The following GREB1L variants were observed in gnomAD, a reference collection of about 807,000 sequenced individuals.
GREB1L encodes the protein GREB1 like retinoic acid receptor coactivator, also known as GREB1-like protein.
A neutral mutation model predicts 200.8 loss-of-function variants in GREB1L; 17 were observed. The observed-to-expected ratio is 0.08, with a 90% CI of 0.06 to 0.13. The LOEUF (loss-of-function observed/expected upper bound fraction) is 0.13. Among genes scored for constraint, GREB1L ranks in the 10% least tolerant of loss-of-function variants. The pLI, the probability that GREB1L is intolerant of heterozygous loss-of-function variation, is 1.00. For missense variants in GREB1L, 1,657 were observed against 2,367.7 expected (o/e 0.70, Z 6.23); for synonymous variants, 789 against 893.0 (o/e 0.88, Z 2.08).
chr18:21,247,504 G>A (rs540246798), intron 1 of GREB1L, among the ~76,000 whole-genome samples: 2 of 152,238 alleles, frequency 1.3e-5, no homozygotes, highest in East Asian at 3.9e-4. Flanking sequence ...AGCACCAGTT[G>A]TGTCCTGTAT....
At chr18:21,285,445 C>T (rs1463797371) in intron 1 of GREB1L, among the ~76,000 whole-genome samples, 1 of 152,096 alleles carries the variant, frequency 6.6e-6, no homozygotes, top group Non-Finnish European at 1.5e-5. Context: ...TAGTTGAAAG[C>T]ACATGAATTT....
intron 7 of GREB1L, among the ~76,000 whole-genome samples, chr18:21,417,225 A>G (rs2031723694): frequency 1.3e-5 from 2 of 151,912 alleles, no homozygotes; most frequent in South Asian, 2.1e-4. Context: ...TCTATACCCA[A>G]TAAAAATATC....
chr18:21,487,993 A>G (rs966906796), intron 18 of GREB1L, among the ~76,000 whole-genome samples: 38 of 150,908 alleles, frequency 2.5e-4, no homozygotes, highest in African/African-American at 8.8e-4. Flanking sequence ...TCCGAGCGAC[A>G]GAGTGAGACT....
chr18:21,384,577 T>G (rs1444631127), intron 4 of GREB1L, among the ~76,000 whole-genome samples, 174 bp downstream of exon 4: 1 of 152,204 alleles, frequency 6.6e-6, no homozygotes, highest in African/African-American at 2.4e-5. Context: ...AACAGATGTC[T>G]GTAAGAAAGA....
In GREB1L at chr18:21,515,406, A is replaced by G. The variant is rs765973807; in HGVS notation, c.4902-11A>G. On this transcript the variant is annotated splice_polypyrimidine_tract_variant and intron_variant, in intron 28 of 32. Coordinates refer to ENST00000424526, the MANE Select transcript of GREB1L (RefSeq NM_001142966.3). ...TATTTATCAACATCTTATATAAACT[A>G]TATTTCATAGCCAGCCCATGGAAGT... 2 of 1,519,540 alleles carry G rather than the reference A, an allele frequency of 1.3e-6. No homozygotes were observed. Among genetic ancestry groups the G allele is most frequent in the South Asian group, 1.2e-5 (1 of 83,428 alleles). The allele number at this position is 1,519,540 out of a possible 1,614,324, so 94.1% of individuals were successfully genotyped here.
At chr18:21,264,114 T>C (rs1018393923) in intron 1 of GREB1L, among the ~76,000 whole-genome samples, 5 of 152,188 alleles carry the variant, frequency 3.3e-5, no homozygotes, top group African/African-American at 1.2e-4. Context: ...ATAATTCATT[T>C]GTGTAGATAA....
At chr18:21,250,366 G>A (rs1310268079) in intron 1 of GREB1L, among the ~76,000 whole-genome samples, 3 of 152,122 alleles carry the variant, frequency 2.0e-5, no homozygotes, top group Non-Finnish European at 4.4e-5. Flanking sequence ...TGTTAAATAC[G>A]GATTATTGAT....
intron 7 of GREB1L, among the ~76,000 whole-genome samples, chr18:21,405,492 G>A (rs1453151837): frequency 6.6e-6 from 1 of 152,140 alleles, no homozygotes; most frequent in East Asian, 1.9e-4. Flanking sequence ...CTCGACTGAT[G>A]TCTGCAATGA....
intron 13 of GREB1L, 134 bp from the exon 14 acceptor site, chr18:21,451,949 T>A (rs1362249099): frequency 2.2e-5 from 16 of 717,214 alleles, no homozygotes; most frequent in East Asian, 1.9e-4. Flanking sequence ...GATGGCCAAG[T>A]GTAAATGCTG....
chr18:21,312,105 T>C (rs767391524), intron 1 of GREB1L, among the ~76,000 whole-genome samples: 12 of 152,184 alleles, frequency 7.9e-5, no homozygotes, highest in Non-Finnish European at 1.5e-4. Flanking sequence ...ATTACTCTGC[T>C]AAGGATGATG....
chr18:21,452,341 T>C (rs1203251112), intron 14 of GREB1L, 124 bp downstream of exon 14: 7 of 922,150 alleles, frequency 7.6e-6, no homozygotes, highest in Non-Finnish European at 1.1e-5. Context: ...TTCCTGATTG[T>C]CTACATGATA....
chr18:21,501,191 G>C (rs1033660134), intron 23 of GREB1L, among the ~76,000 whole-genome samples: 2 of 151,330 alleles, frequency 1.3e-5, no homozygotes, highest in African/African-American at 4.9e-5. Flanking sequence ...TCTACTTTTA[G>C]CCTCTTTACA....
At chr18:21,470,221 A>G (rs2035428163) in intron 15 of GREB1L, among the ~76,000 whole-genome samples, 1 of 152,164 alleles carries the variant, frequency 6.6e-6, no homozygotes, top group South Asian at 2.1e-4. Flanking sequence ...CCAGTAGCTC[A>G]AGGCCACAGT....
At chr18:21,389,984 T>C (rs1030264199) in intron 4 of GREB1L, among the ~76,000 whole-genome samples, 1 of 152,194 alleles carries the variant, frequency 6.6e-6, no homozygotes, top group African/African-American at 2.4e-5. Context: ...GGTGAAACAG[T>C]ATACAGTCAT....
chr18:21,309,031 T>G (rs1328320497), intron 1 of GREB1L, among the ~76,000 whole-genome samples: 1 of 152,252 alleles, frequency 6.6e-6, no homozygotes, highest in East Asian at 1.9e-4. Flanking sequence ...AAGGAAGCCC[T>G]TCTGGGCAGA....
At chr18:21,480,362 GA>G (rs1304129643) in intron 17 of GREB1L, among the ~76,000 whole-genome samples, 5 of 151,978 alleles carry the variant, frequency 3.3e-5, no homozygotes, top group African/African-American at 9.7e-5. Flanking sequence ...AAAACAAAAA[GA>G]GGGGAGGGGC....
intron 7 of GREB1L, among the ~76,000 whole-genome samples, chr18:21,431,206 G>T (rs1305250419): frequency 6.6e-6 from 1 of 151,650 alleles, no homozygotes; most frequent in Non-Finnish European, 1.5e-5. Flanking sequence ...GTATTTTTTA[G>T]TAGAGACAGA....
rs35010034 is a variant in GREB1L, at chr18:21,386,593, C to CTTTTTTTTTTTTTTTTT, written c.355+2193_355+2209dup. Among the ~76,000 whole-genome samples the CTTTTTTTTTTTTTTTTT allele has an allele frequency of 1.7e-5, 2 of 115,178 alleles. 1 individual carries two copies. Among genetic ancestry groups the CTTTTTTTTTTTTTTTTT allele is most frequent in the Non-Finnish European group, 3.3e-5 (2 of 60,430 alleles). The allele number at this position is 115,178 out of a possible 152,430, so 75.6% of individuals were successfully genotyped here. A position where few individuals can be genotyped will look rare whatever the true frequency, so the allele number is the denominator to read the frequency against. ...GTGAGCCACTGTGCCTGGCCAGTAGCTTTTTTTTTTTTTTTTTTTGAGTCC... is the reference window on the plus strand; with the variant it reads ...GTGAGCCACTGTGCCTGGCCAGTAGCTTTTTTTTTTTTTTTTTTTTTTTTTTTTTTTTTTTTGAGTCC... On this transcript the variant is annotated intron_variant, in intron 4 of 32. Coordinates refer to ENST00000424526, the MANE Select transcript of GREB1L (RefSeq NM_001142966.3).
At chr18:21,475,053 T>A (rs575865807) in intron 16 of GREB1L, among the ~76,000 whole-genome samples, 1 of 152,324 alleles carries the variant, frequency 6.6e-6, no homozygotes, top group African/African-American at 2.4e-5. Flanking sequence ...CACTGCACTC[T>A]GGATGAATTT....
Sources: gnomAD v4.1 joint callset for allele counts (sites outside exome capture counted in the v4.1 genomes callset) on GRCh38, gnomAD v4.1.1 for gene constraint, MANE v1.5 for transcripts, NCBI Gene and HGNC (gene_info 2026-07-23, HGNC 2026-07-21) for gene names.